NLRP11: variants seen among roughly 807,000 people sequenced by gnomAD.
The protein encoded by NLRP11 is NLR family pyrin domain containing 11.
A neutral mutation model predicts 79.3 loss-of-function variants in NLRP11; 53 were observed. The ratio of observed to expected loss-of-function variants is 0.67; its 90% CI spans 0.54 to 0.84. NLRP11 has a LOEUF of 0.84. Ranked by LOEUF, NLRP11 falls within the 40% of genes least tolerant of loss-of-function variation. The pLI is 0.00. For synonymous variants in NLRP11, 518 were observed against 462.6 expected (o/e 1.12, Z -1.54); for missense variants, 1,264 against 1,255.0 (o/e 1.01, Z -0.11).
At chr19:55,817,206 A>AAAAAGG (rs1379151715) in intron 2 of NLRP11, among the ~76,000 whole-genome samples, 1 of 152,188 alleles carries the variant, frequency 6.6e-6, no homozygotes, top group African/African-American at 2.4e-5. Flanking sequence ...TGGATGTGGT[A>AAAAAGG]AAAAGGGAAC....
At chr19:55,810,477 A>G in intron 2 of NLRP11, 139 bp from the exon 3 acceptor site, 2 of 710,832 alleles carry the variant, frequency 2.8e-6, no homozygotes, top group Admixed American at 2.9e-5. Context: ...ACAAAGATAT[A>G]GGTACAAAGA....
intron 1 of NLRP11, among the ~76,000 whole-genome samples, chr19:55,818,993 C>A (rs989028924): frequency 3.3e-5 from 5 of 152,088 alleles, no homozygotes; most frequent in Admixed American, 3.3e-4. Flanking sequence ...CTTTGCATAC[C>A]TCGCAGAACT....
chr19:55,801,679 A>G (rs766506738), exon 5 of NLRP11: 13 of 1,614,092 alleles, frequency 8.1e-6, no homozygotes, highest in Non-Finnish European at 1.1e-5. Flanking sequence ...TCAGGCTCCG[A>G]TTACGAGCCA....
At position 55,809,718 on chromosome 19, in the gene NLRP11, A is replaced by ATGC; in HGVS notation, c.891_892insGCA (p.Thr297_Leu298insAla). On this transcript the variant is annotated inframe_insertion, in exon 3 of 10. Coordinates refer to ENST00000589093, the Ensembl canonical transcript of NLRP11. The surrounding 1 kb of genome is among the most constrained non-coding windows in gnomAD (Gnocchi z 4.5). ...TCCCTCTTCCCATTCGACAGCTGCAAGGTCGTGCAGCAATCTACCTCTTTC... is the reference window on the plus strand; with the variant it reads ...TCCCTCTTCCCATTCGACAGCTGCAATGCGGTCGTGCAGCAATCTACCTCTTTC... The ATGC allele has an allele frequency of 6.2e-7, 1 of 1,614,178 alleles. No homozygotes were observed. The highest frequency in any genetic ancestry group is 8.5e-7 in the Non-Finnish European group (1 of 1,179,990).
intron 1 of NLRP11, among the ~76,000 whole-genome samples, chr19:55,830,226 A>C (rs1182645946): frequency 6.6e-6 from 1 of 152,136 alleles, no homozygotes; most frequent in African/African-American, 2.4e-5. Flanking sequence ...AGCCTCACCA[A>C]GTCCAACCCT....
intron 4 of NLRP11, among the ~76,000 whole-genome samples, chr19:55,802,449 A>T (rs1979569553): frequency 1.3e-5 from 2 of 152,252 alleles, no homozygotes; most frequent in African/African-American, 2.4e-5. Flanking sequence ...ACCTAGGAAT[A>T]CAGCTAACCA....
intron 5 of NLRP11, among the ~76,000 whole-genome samples, chr19:55,797,452 T>C (rs1600179365): frequency 6.6e-6 from 1 of 152,336 alleles, no homozygotes; most frequent in East Asian, 1.9e-4. Context: ...TAACAAATAT[T>C]GTTATTTTCA....
chr19:55,831,069 C>A (rs1208862661), intron 1 of NLRP11, among the ~76,000 whole-genome samples: 1 of 148,858 alleles, frequency 6.7e-6, no homozygotes, highest in Non-Finnish European at 1.5e-5. Context: ...AATTTGTAAA[C>A]TAAAAATAAC....
rs530699140 is a variant in NLRP11 at position 55,818,504 on chromosome 19, T to A, written c.-62-268A>T. 3.3e-5 allele frequency among the ~76,000 whole-genome samples: 5 copies of A among 152,302 alleles called. No individual in the cohort carries two copies. In the South Asian group the frequency reaches 8.3e-4, roughly 25 times the overall value. ...CCCTGATTAGCAAATAGCATATAGG[T>A]TGAGAATTGAGTATCATACAGAAAC... On this transcript the variant is annotated intron_variant, in intron 1 of 9. Coordinates refer to ENST00000589093, the Ensembl canonical transcript of NLRP11.
At chr19:55,791,227 C>T (rs949909060) in intron 7 of NLRP11, among the ~76,000 whole-genome samples, 12 of 152,060 alleles carry the variant, frequency 7.9e-5, no homozygotes, top group African/African-American at 2.9e-4. Flanking sequence ...AACCCCTATT[C>T]TACAGTATGA....
chr19:55,836,131 TTAA>T (rs749578071), upstream of NLRP11, among the ~76,000 whole-genome samples: 5 of 152,112 alleles, frequency 3.3e-5, no homozygotes, highest in Non-Finnish European at 5.9e-5. Context: ...CTAATAATAA[TTAA>T]TAATTTCTTC....
At chr19:55,823,874 C>A (rs1002607082) in intron 1 of NLRP11, among the ~76,000 whole-genome samples, 15 of 143,370 alleles carry the variant, frequency 1.0e-4, no homozygotes, top group Admixed American at 5.8e-4. Flanking sequence ...CCCAATCTAG[C>A]AAGGCAGGCC....
At chr19:55,833,357 A>G (rs971847915), upstream of NLRP11, among the ~76,000 whole-genome samples, 14 of 148,958 alleles carry the variant, frequency 9.4e-5, no homozygotes, top group Non-Finnish European at 1.8e-4. Flanking sequence ...TGGAAAATAG[A>G]AGGGACTAGT....
At chr19:55,790,634 C>T (rs998736967) in intron 7 of NLRP11, among the ~76,000 whole-genome samples, 1 of 152,116 alleles carries the variant, frequency 6.6e-6, no homozygotes. Context: ...ACTGAATAAT[C>T]ATATTAAAGC....
At chr19:55,797,728 A>T (rs1237306310) in intron 5 of NLRP11, among the ~76,000 whole-genome samples, 1 of 152,140 alleles carries the variant, frequency 6.6e-6, no homozygotes, top group Admixed American at 6.6e-5. Context: ...GAGGGTTTGA[A>T]GATTAGAGGA....
intron 4 of NLRP11, among the ~76,000 whole-genome samples, chr19:55,804,295 C>G (rs1979768505): frequency 6.6e-6 from 1 of 152,100 alleles, no homozygotes; most frequent in East Asian, 1.9e-4. Flanking sequence ...GTTATTCTAC[C>G]AAAAAGATAC....
chr19:55,795,428 C>T (rs1362572389), intron 6 of NLRP11, among the ~76,000 whole-genome samples: 1 of 152,196 alleles, frequency 6.6e-6, no homozygotes, highest in East Asian at 1.9e-4. Flanking sequence ...AGGTTCCCTG[C>T]TCTTAGAAAG....
intron 4 of NLRP11, among the ~76,000 whole-genome samples, chr19:55,807,210 T>G (rs1210399976): frequency 6.6e-6 from 1 of 152,206 alleles, no homozygotes; most frequent in Non-Finnish European, 1.5e-5. Flanking sequence ...AGTTAACTCC[T>G]GGGCTTCCAG....
intron 1 of NLRP11, among the ~76,000 whole-genome samples, chr19:55,820,217 A>C (rs112169477): frequency 3.1e-4 from 47 of 152,312 alleles, no homozygotes; most frequent in African/African-American, 9.9e-4. Flanking sequence ...TTGAGCTGGC[A>C]GAAAAAACAA....
Sources: gnomAD v4.1 joint callset for allele counts (sites outside exome capture counted in the v4.1 genomes callset) on GRCh38, gnomAD v4.1.1 for gene constraint, Gnocchi (gnomAD v3.1) non-coding constraint, MANE v1.5 for transcripts, NCBI Gene and HGNC (gene_info 2026-07-23, HGNC 2026-07-21) for gene names.